SDC1: variants seen among roughly 807,000 people sequenced by gnomAD.
SDC1 encodes the protein syndecan-1.
In SDC1, 14 loss-of-function variants were observed where a neutral mutation model predicts 29.7. That is an observed-to-expected ratio of 0.47 (90% CI 0.31 to 0.74). The LOEUF is 0.74. Ranked by LOEUF, SDC1 falls within the 30% of genes least tolerant of loss-of-function variation. The pLI, the probability that SDC1 is intolerant of heterozygous loss-of-function variation, is 0.05. For synonymous variants in SDC1, 204 were observed against 175.5 expected, an observed-to-expected ratio of 1.16 and a Z score of -1.29; for missense variants, 406 against 400.3, an observed-to-expected ratio of 1.01 and a Z score of -0.12.
In SDC1 at chr2:20,209,668, G is replaced by A. The variant is rs181228984; in HGVS notation, c.67-4244C>T. ...AGAGCTGGCAGAGAAGCTTCCAGAA[G>A]GCAGCCTCAAGCCAACTGCCAGCTT... is the stretch of plus-strand genomic sequence containing the variant. On this transcript the variant is annotated intron_variant, in intron 1 of 4. Transcript: ENST00000254351. Among the ~76,000 whole-genome samples, 381 of 152,370 alleles carry A rather than the reference G, an allele frequency of 2.5e-3. 1 individual carries two copies. Among genetic ancestry groups the A allele is most frequent in the African/African-American group, 8.6e-3 (357 of 41,584 alleles).
chr2:20,214,602 G>A (rs1443644692), intron 1 of SDC1, among the ~76,000 whole-genome samples: 1 of 152,212 alleles, frequency 6.6e-6, no homozygotes, highest in South Asian at 2.1e-4. Context: ...TCTGCACACG[G>A]TGGGTGTTGA....
intron 1 of SDC1, chr2:20,208,156 A>G: frequency 2.0e-6 from 2 of 981,114 alleles, no homozygotes; most frequent in Non-Finnish European, 2.4e-6. Flanking sequence ...GGGAAGACAC[A>G]CACACTGGGG....
intron 1 of SDC1, among the ~76,000 whole-genome samples, chr2:20,223,635 GGGCACCGGGCGGCCCGCGCT>G (rs1193435596): frequency 6.6e-6 from 1 of 152,166 alleles, no homozygotes; most frequent in Non-Finnish European, 1.5e-5. Flanking sequence ...CGGCAGACTC[GGGCACCGGGCGGCCCGCGCT>G]GACACCTGGC....
At chr2:20,210,818 C>A (rs570854813) in intron 1 of SDC1, among the ~76,000 whole-genome samples, 79 of 152,266 alleles carry the variant, frequency 5.2e-4, no homozygotes, top group Non-Finnish European at 9.3e-4. Context: ...GCTGCGAGGT[C>A]ATGAGGCAGG....
chr2:20,211,216 ACT>A (rs1677454906), intron 1 of SDC1, among the ~76,000 whole-genome samples: 1 of 152,138 alleles, frequency 6.6e-6, no homozygotes, highest in Non-Finnish European at 1.5e-5. Flanking sequence ...CCAGAGGCTG[ACT>A]CTGTCATTCA....
At chr2:20,220,681 G>A (rs750817614) in intron 1 of SDC1, among the ~76,000 whole-genome samples, 1 of 152,180 alleles carries the variant, frequency 6.6e-6, no homozygotes. Context: ...CATGATGTCC[G>A]CTTTACAGAT....
intron 1 of SDC1, chr2:20,207,365 C>A (rs1462183854): frequency 1.0e-6 from 1 of 980,476 alleles, no homozygotes; most frequent in Non-Finnish European, 1.2e-6. Flanking sequence ...AAGTCACATT[C>A]CGCCAAGGCT....
intron 1 of SDC1, among the ~76,000 whole-genome samples, chr2:20,217,212 T>C (rs1188374773): frequency 2.0e-5 from 3 of 152,230 alleles, no homozygotes; most frequent in Non-Finnish European, 4.4e-5. Context: ...TGACAGGTGC[T>C]GAATCGCGAA....
intron 1 of SDC1, chr2:20,223,170 C>T (rs1192156885): frequency 3.6e-6 from 4 of 1,101,654 alleles, no homozygotes; most frequent in Non-Finnish European, 3.7e-6. Flanking sequence ...GGGACCTCTC[C>T]TGGACCGGAA....
At chr2:20,206,779 T>C (rs1677285077) in intron 1 of SDC1, among the ~76,000 whole-genome samples, 2 of 152,156 alleles carry the variant, frequency 1.3e-5, no homozygotes, top group Non-Finnish European at 2.9e-5. Context: ...GGGGAAATAA[T>C]AACATCTACA....
At chr2:20,203,699 T>C (rs1677126770) in intron 3 of SDC1, 114 bp downstream of exon 3, 1 of 822,004 alleles carries the variant, frequency 1.2e-6, no homozygotes, top group Non-Finnish European at 1.9e-6. Context: ...CCCTGTGCCC[T>C]GTCTTCCTGG....
chr2:20,200,956 T>A lies in SDC1; in HGVS notation c.*1810A>T, dbSNP rs992691186. The A allele has an allele frequency of 1.1e-4, 17 of 152,348 alleles. No individual in the cohort carries two copies. Among genetic ancestry groups the A allele is most frequent in the African/African-American group, 3.6e-4 (15 of 41,580 alleles). The allele number at this position is 152,348 out of a possible 1,614,324, so 9.4% of individuals were successfully genotyped here. ...ATACACTCCAGGCAGAAAGTCGCAG[T>A]ATCGAATACCGGACACAGGTTCCCT... On this transcript the variant is annotated 3_prime_UTR_variant, in exon 5 of 5. Transcript: ENST00000254351.
In SDC1 at chr2:20,215,223, G is replaced by A. The variant is rs1018739712; in HGVS notation, c.66+9579C>T. 7.2e-5 allele frequency among the ~76,000 whole-genome samples: 11 copies of A among 152,346 alleles called. No individual in the cohort carries two copies. The Middle Eastern group carries it at 0.017, about 236-fold the overall frequency. On this transcript the variant is annotated intron_variant, in intron 1 of 4. Coordinates refer to ENST00000254351, the MANE Select transcript of SDC1 (RefSeq NM_002997.5). Reference sequence around the variant, plus strand: ...TCTGAAGTTCTGGGGACAGGCCACCGTGCCCCATTGCTAGGGGTCCTGCCC... The same window carrying A: ...TCTGAAGTTCTGGGGACAGGCCACCATGCCCCATTGCTAGGGGTCCTGCCC...
chr2:20,201,608 C>G lies in SDC1; in HGVS notation c.*1158G>C, dbSNP rs1677010208. 1 of 152,676 alleles carries G rather than the reference C, an allele frequency of 6.5e-6. No individual in the cohort carries two copies. The highest frequency in any genetic ancestry group is 2.4e-5 in the African/African-American group (1 of 41,454). 9.5% of individuals were successfully genotyped at this position (152,676 alleles called of 1,614,324 possible). ...AGACTATCACTCTTTGGAAAATATTCCTGATTCCAGCCCAGGGCCCAGGGT... is the reference window on the plus strand; with the variant it reads ...AGACTATCACTCTTTGGAAAATATTGCTGATTCCAGCCCAGGGCCCAGGGT... On this transcript the variant is annotated 3_prime_UTR_variant, in exon 5 of 5. Coordinates refer to ENST00000254351, the MANE Select transcript of SDC1 (RefSeq NM_002997.5).
In SDC1 at chr2:20,213,549, G is replaced by A. The variant is rs116586278; in HGVS notation, c.67-8125C>T. Among the ~76,000 whole-genome samples, 59 of 152,308 alleles carry A rather than the reference G, an allele frequency of 3.9e-4. 1 individual carries two copies. The highest frequency in any genetic ancestry group is 1.2e-3 in the South Asian group (6 of 4,834). ...AGAGATATCCTAAATCAAGGTGACC[G>A]TGGGGCAACTGGCACCCTATGGGGA... On this transcript the variant is annotated intron_variant, in intron 1 of 4. Coordinates refer to ENST00000254351, the MANE Select transcript of SDC1 (RefSeq NM_002997.5).
intron 1 of SDC1, among the ~76,000 whole-genome samples, chr2:20,220,746 A>G (rs1677792072): frequency 6.6e-6 from 1 of 152,236 alleles, no homozygotes; most frequent in South Asian, 2.1e-4. Context: ...GGAGTAAATT[A>G]GTGGCAGAGT....
rs541623153 is a variant in SDC1 at position 20,224,592 on chromosome 2, G to T, written c.66+210C>A. Among the ~76,000 whole-genome samples, 2 of 151,476 alleles carry T rather than the reference G, an allele frequency of 1.3e-5. No homozygotes were observed. The highest frequency in any genetic ancestry group is 4.8e-5 in the African/African-American group (2 of 41,284). ...GGGCCCCGGCCCCCCACCCTCCCCA[G>T]CGCGGGACCGGTGCGGCACCCACCG... On this transcript the variant is annotated intron_variant, in intron 1 of 4. Transcript: ENST00000254351. The surrounding 1 kb of genome is among the most constrained non-coding windows in gnomAD (Gnocchi z 4.9).
At position 20,204,066 on chromosome 2, in the gene SDC1, G is replaced by C; in HGVS notation, c.374C>G (p.Pro125Arg). The C allele has an allele frequency of 1.9e-6, 3 of 1,611,336 alleles. No individual in the cohort carries two copies. The East Asian group carries it at 6.7e-5, about 36-fold the overall frequency. ...TAREQEATPR[P>R]RETTQLPTTH... is the part of the protein sequence containing the mutation. ...GGTCGGGAGCTGTGTGGTCTCCCTG[G>C]GTCGGGGGGTGGCCTCCTGCTCCCG... is the stretch of plus-strand genomic sequence containing the variant. Residue 125 changes from proline to arginine, a missense_variant, in exon 3 of 5, where the codon CCC (proline) becomes CGC (arginine). By Grantham distance (103) the Pro-to-Arg change is moderately radical. Transcript: ENST00000254351.
rs1299253092 is a variant in SDC1, at chr2:20,204,258, G to A, written c.182C>T (p.Thr61Ile). ...CTGCGTGTCCTTCCAAGTGGAGGGGGTCTGCTGTGACAAGGTGATATCTTG... is the reference window on the plus strand; with the variant it reads ...CTGCGTGTCCTTCCAAGTGGAGGGGATCTGCTGTGACAAGGTGATATCTTG... Reference protein sequence around the residue: ...ALQDITLSQQTPSTWKDTQLL... With the variant: ...ALQDITLSQQIPSTWKDTQLL... The change falls in exon 3 of 5, where the codon ACC becomes ATC. Residue 61 changes from threonine to isoleucine, a missense_variant. Thr to Ile is a moderately conservative substitution (Grantham distance 89, BLOSUM62 -1). Coordinates refer to ENST00000254351, the MANE Select transcript of SDC1 (RefSeq NM_002997.5). The A allele has an allele frequency of 3.2e-6, 5 of 1,576,182 alleles. No individual in the cohort carries two copies. Among genetic ancestry groups the A allele is most frequent in the Middle Eastern group, 1.7e-4 (1 of 6,014 alleles).
Sources: allele counts gnomAD v4.1 joint callset (sites outside exome capture counted in the v4.1 genomes callset), GRCh38; gene constraint gnomAD v4.1.1; non-coding constraint Gnocchi (gnomAD v3.1); transcripts MANE v1.5; gene names NCBI Gene and HGNC (gene_info 2026-07-23, HGNC 2026-07-21).